Variants in ICAM2 observed in about 807,000 individuals in gnomAD.
ICAM2 encodes ICAM-2.
ICAM2 carries 14 observed loss-of-function variants against 19.1 expected under a neutral mutation model. That is an observed-to-expected ratio of 0.73 (90% CI 0.48 to 1.15). The LOEUF is 1.15. Among genes scored for constraint, ICAM2 ranks in the 50% most tolerant of loss-of-function variants. ICAM2 has a pLI of 0.00. For synonymous variants in ICAM2, 153 were observed against 152.7 expected, an observed-to-expected ratio of 1.00 and a Z score of -0.01; for missense variants, 311 against 355.4, an observed-to-expected ratio of 0.88 and a Z score of 1.00.
rs770796693 is a variant in ICAM2 at position 64,004,193 on chromosome 17, AG to A, written c.329-230del. ...CGGTGACCAGGTGTCTACAAGGACA[AG>A]GTTCAGAAATTGTACAGCCAACTGG... On this transcript the variant is annotated intron_variant, in intron 3 of 4. Coordinates refer to ENST00000579788, the MANE Select transcript of ICAM2 (RefSeq NM_001099789.2). 114 of 534,874 alleles carry A rather than the reference AG, an allele frequency of 2.1e-4. 1 individual carries two copies. In the Middle Eastern group the frequency reaches 6.4e-3, roughly 30 times the overall value. 33.1% of individuals were successfully genotyped at this position (534,874 alleles called of 1,614,324 possible). A position where few individuals can be genotyped will look rare whatever the true frequency, so the allele number is the denominator to read the frequency against.
At chr17:64,013,175 G>A (rs1183885723) in intron 1 of ICAM2, among the ~76,000 whole-genome samples, 2 of 152,150 alleles carry the variant, frequency 1.3e-5, no homozygotes, top group Non-Finnish European at 2.9e-5. Flanking sequence ...AGCTGGACAT[G>A]GTGGCGTGTG....
intron 1 of ICAM2, among the ~76,000 whole-genome samples, chr17:64,011,203 C>T (rs1267443516): frequency 6.6e-6 from 1 of 152,110 alleles, no homozygotes; most frequent in Admixed American, 6.6e-5. Context: ...TGGCTTACAC[C>T]CATAATCCCA....
chr17:64,004,792 T>C, intron 3 of ICAM2: 4 of 454,464 alleles, frequency 8.8e-6, no homozygotes, highest in Non-Finnish European at 4.1e-6. Flanking sequence ...CCCCACTACT[T>C]GGCATGGGAC....
chr17:64,010,393 A>G (rs1273568063), intron 1 of ICAM2, among the ~76,000 whole-genome samples: 3 of 152,194 alleles, frequency 2.0e-5, no homozygotes, highest in Non-Finnish European at 2.9e-5. Flanking sequence ...AGGAGTTAAG[A>G]TAGTTCTGGA....
At chr17:64,017,708 G>A (rs1391286885) in intron 1 of ICAM2, among the ~76,000 whole-genome samples, 3 of 152,216 alleles carry the variant, frequency 2.0e-5, no homozygotes, top group African/African-American at 7.2e-5. Flanking sequence ...TGGTGTTAGC[G>A]TAGGTATAGG....
intron 1 of ICAM2, chr17:64,007,654 T>C (rs923403236): frequency 6.6e-6 from 1 of 152,130 alleles, no homozygotes; most frequent in Admixed American, 6.6e-5. Flanking sequence ...CCCATAATAG[T>C]CCCCAGCAAC....
chr17:64,005,961 G>A (rs1194273886), intron 2 of ICAM2: 1 of 160,236 alleles, frequency 6.2e-6, no homozygotes, highest in Non-Finnish European at 1.4e-5. Flanking sequence ...GCAGGGAGTG[G>A]GGGTGAGGCC....
At chr17:64,006,496 T>TA (rs1911214830) in intron 2 of ICAM2, 135 bp downstream of exon 2, 3 of 720,774 alleles carry the variant, frequency 4.2e-6, no homozygotes, top group Non-Finnish European at 7.1e-6. Flanking sequence ...GACCCTGTCT[T>TA]AAAACAAAAC....
intron 1 of ICAM2, among the ~76,000 whole-genome samples, chr17:64,014,612 GGAGGGAGA>G (rs1408912937): frequency 4.1e-5 from 5 of 122,430 alleles, no homozygotes; most frequent in Admixed American, 3.4e-4. Flanking sequence ...AGGGAGGGAG[GGAGGGAGA>G]GAGAGAGAAA....
intron 4 of ICAM2, 27 bp from the exon 5 acceptor site, chr17:64,002,952 A>G: frequency 6.3e-7 from 1 of 1,599,508 alleles, no homozygotes; most frequent in Non-Finnish European, 8.5e-7. Context: ...CAAGGGTCTT[A>G]GACGTCCTGT....
At chr17:64,006,961 G>C (rs1239417540) in intron 1 of ICAM2, 9 of 524,430 alleles carry the variant, frequency 1.7e-5, no homozygotes, top group Non-Finnish European at 3.1e-5. Flanking sequence ...TGTGCAAGGG[G>C]CGGGGCAGGC....
Position 64,010,004 on chromosome 17 carries a change from TA to T in ICAM2, c.-44-3270del, listed in dbSNP as rs534619110. ...TGCAGTTTCCATATTCCAGTGATTT[TA>T]TCCCCTTACCTCGACCAGTCATTGA... On this transcript the variant is annotated intron_variant, in intron 1 of 4. Coordinates refer to ENST00000579788, the MANE Select transcript of ICAM2 (RefSeq NM_001099789.2). 1.1e-3 allele frequency among the ~76,000 whole-genome samples: 162 copies of T among 152,282 alleles called. 3 individuals carry two copies. The highest frequency in any genetic ancestry group is 6.8e-3 in the Middle Eastern group (2 of 294).
chr17:64,004,986 C>A, intron 3 of ICAM2, 121 bp downstream of exon 3: 1 of 1,171,752 alleles, frequency 8.5e-7, no homozygotes, highest in South Asian at 1.3e-5. Context: ...CCCAGGAGCT[C>A]AGGGAGGCAG....
intron 3 of ICAM2, 75 bp downstream of exon 3, chr17:64,005,032 A>T: frequency 1.3e-6 from 2 of 1,543,950 alleles, no homozygotes; most frequent in Non-Finnish European, 1.8e-6. Flanking sequence ...GCAGGCACAG[A>T]GGGGCTCTGT....
intron 1 of ICAM2, among the ~76,000 whole-genome samples, chr17:64,008,838 G>A (rs1017067831): frequency 2.6e-5 from 4 of 152,176 alleles, no homozygotes; most frequent in Non-Finnish European, 5.9e-5. Flanking sequence ...TTCTGGAAGG[G>A]ACAGTGCTTG....
intron 4 of ICAM2, 68 bp from the exon 5 acceptor site, chr17:64,002,993 G>A: frequency 6.7e-7 from 1 of 1,485,666 alleles, no homozygotes; most frequent in Non-Finnish European, 9.2e-7. Context: ...AAAAGGGAGT[G>A]GAAGTCCACC....
intron 1 of ICAM2, among the ~76,000 whole-genome samples, chr17:64,018,713 CTTTTTTTTTTTT>C (rs67934258): frequency 3.2e-4 from 20 of 62,914 alleles, no homozygotes; most frequent in African/African-American, 1.2e-3. Flanking sequence ...GTTTACTTCT[CTTTTTTTTTTTT>C]TTTTTTTTTT....
intron 1 of ICAM2, chr17:64,007,654 T>A (rs923403236): frequency 2.0e-4 from 31 of 152,248 alleles, no homozygotes; most frequent in African/African-American, 7.2e-4. Flanking sequence ...CCCATAATAG[T>A]CCCCAGCAAC....
chr17:64,015,731 C>T (rs566309021), intron 1 of ICAM2, among the ~76,000 whole-genome samples: 41 of 152,034 alleles, frequency 2.7e-4, no homozygotes, highest in African/African-American at 9.7e-4. Flanking sequence ...CAAAGTGAGA[C>T]CATGTCTCCA....
Sources: allele counts gnomAD v4.1 joint callset (sites outside exome capture counted in the v4.1 genomes callset), GRCh38; gene constraint gnomAD v4.1.1; transcripts MANE v1.5; gene names NCBI Gene and HGNC (gene_info 2026-07-23, HGNC 2026-07-21).